The following MATR3 variants were observed in gnomAD, a reference collection of about 807,000 sequenced individuals.
The protein encoded by MATR3 is matrin 3.
Under a neutral mutation model 85.5 loss-of-function variants are expected in MATR3, and 4 were observed. The ratio of observed to expected loss-of-function variants is 0.05; its 90% CI spans 0.02 to 0.11. The LOEUF (loss-of-function observed/expected upper bound fraction) is 0.11. Among genes scored for constraint, MATR3 ranks in the 10% least tolerant of loss-of-function variants. MATR3 has a pLI of 1.00. For missense variants in MATR3, 685 were observed against 1,016.1 expected (o/e 0.67, Z 4.43); for synonymous variants, 336 against 343.1 (o/e 0.98, Z 0.23).
At chr5:139,328,781 C>A (rs1180953578) in intron 14 of MATR3, among the ~76,000 whole-genome samples, 1 of 152,124 alleles carries the variant, frequency 6.6e-6, no homozygotes, top group Non-Finnish European at 1.5e-5. Flanking sequence ...ACAGGCAGAT[C>A]ACCTGAGATC....
intron 2 of MATR3, chr5:139,313,875 A>G (rs1755117246): frequency 6.6e-6 from 1 of 152,238 alleles, no homozygotes; most frequent in Non-Finnish European, 1.5e-5. Context: ...GAACATCCTC[A>G]AAAGCTGGAT....
At chr5:139,282,953 C>G (rs1753583674) in intron 3 of MATR3, 1 of 152,424 alleles carries the variant, frequency 6.6e-6, no homozygotes, top group African/African-American at 2.4e-5. Context: ...GCCTCAGCCT[C>G]CCCAGTAGCT....
At chr5:139,297,993 C>G (rs1189562349) in intron 1 of MATR3, among the ~76,000 whole-genome samples, 1 of 152,026 alleles carries the variant, frequency 6.6e-6, no homozygotes, top group Non-Finnish European at 1.5e-5. Context: ...AGCAGAGTGC[C>G]TATGGTAAAT....
At chr5:139,279,795 C>T (rs1380706728) in intron 3 of MATR3, 1 of 152,318 alleles carries the variant, frequency 6.6e-6, no homozygotes. Context: ...AGCCACCGCG[C>T]CCAGCCAAGT....
At chr5:139,290,438 C>CTT (rs762364450), upstream of MATR3, among the ~76,000 whole-genome samples, 23,046 of 44,510 alleles carry the variant, frequency 0.52, 9,469 homozygotes, top group Non-Finnish European at 0.63. Context: ...CCTGGCCGCT[C>CTT]TTTTTTTTTT....
chr5:139,293,750 G>A lies in MATR3; in HGVS notation c.-233G>A. 2.6e-6 allele frequency: 1 copy of A among 377,608 alleles called. No homozygotes were observed. Among genetic ancestry groups the A allele is most frequent in the Non-Finnish European group, 4.7e-6 (1 of 213,056 alleles). 23.4% of individuals were successfully genotyped at this position (377,608 alleles called of 1,614,324 possible). A position where few individuals can be genotyped will look rare whatever the true frequency, so the allele number is the denominator to read the frequency against. The stretch of plus-strand genomic sequence containing the variant: ...GCTGCGGGGGATTGTGGGAGTCTCC[G>A]CGTCCCGCTCGCTGGGAGAGAGGTA... On this transcript the variant is annotated 5_prime_UTR_variant, in exon 1 of 15. Transcript: ENST00000394805.
chr5:139,312,203 C>A (rs1288933856), intron 2 of MATR3: 1 of 152,126 alleles, frequency 6.6e-6, no homozygotes, highest in African/African-American at 2.4e-5. Context: ...CTTAGGTGTT[C>A]GCAGCTCATT....
intron 3 of MATR3, among the ~76,000 whole-genome samples, chr5:139,285,582 A>G (rs143378682): frequency 1.5e-4 from 23 of 152,200 alleles, no homozygotes; most frequent in Non-Finnish European, 2.5e-4. Flanking sequence ...CTGAGGCAGG[A>G]GAATTATTTG....
chr5:139,311,502 T>C (rs1718347538), intron 2 of MATR3: 1 of 152,176 alleles, frequency 6.6e-6, no homozygotes, highest in South Asian at 2.1e-4. Flanking sequence ...TTTTTGATCT[T>C]GGCCTTCCTT....
At chr5:139,282,582 A>G (rs1416395562) in intron 3 of MATR3, among the ~76,000 whole-genome samples, 2 of 152,254 alleles carry the variant, frequency 1.3e-5, no homozygotes, top group African/African-American at 2.4e-5. Flanking sequence ...AAGAGTTCCC[A>G]TATATACCAT....
chr5:139,329,311 G>C, intron 14 of MATR3, 34 bp from the exon 15 acceptor site: 2 of 1,508,756 alleles, frequency 1.3e-6, no homozygotes, highest in Non-Finnish European at 9.2e-7. Flanking sequence ...TTTCTCTTAG[G>C]TGACTTAATG....
chr5:139,314,792 A>G lies in MATR3; in HGVS notation c.974+56A>G, dbSNP rs923166977. On this transcript the variant is annotated intron_variant, in intron 3 of 14. Transcript: ENST00000394805. The stretch of plus-strand genomic sequence containing the variant: ...TTATCGTGAATCAGAATCAGCCATT[A>G]TTGGTTTTTGGGAGTTCATCATTTA... 6.5e-6 allele frequency: 10 copies of G among 1,545,194 alleles called. No individual in the cohort carries two copies. The African/African-American group carries it at 9.5e-5, about 15-fold the overall frequency.
At chr5:139,298,612 G>A (rs981322220) in intron 1 of MATR3, among the ~76,000 whole-genome samples, 2 of 152,164 alleles carry the variant, frequency 1.3e-5, no homozygotes, top group African/African-American at 4.8e-5. Flanking sequence ...TATTCTTTGT[G>A]TGTAGAAAAA....
intron 9 of MATR3, among the ~76,000 whole-genome samples, chr5:139,320,730 C>T (rs1346861370): frequency 2.1e-5 from 3 of 145,710 alleles, no homozygotes; most frequent in Non-Finnish European, 3.0e-5. Flanking sequence ...ATTTTAATAT[C>T]TTAAGCTTAT....
intron 3 of MATR3, among the ~76,000 whole-genome samples, chr5:139,286,845 A>G (rs78238903): frequency 1.6e-4 from 6 of 37,392 alleles, no homozygotes; most frequent in Non-Finnish European, 6.0e-4. Flanking sequence ...CTCCGTCTCA[A>G]AAAAAAAAAA....
chr5:139,331,195 T>C lies in MATR3; in HGVS notation c.*1800T>C, dbSNP rs1311163756. 1 of 454,140 alleles carries C rather than the reference T, an allele frequency of 2.2e-6. No individual in the cohort carries two copies. Among genetic ancestry groups the C allele is most frequent in the Admixed American group, 2.3e-5 (1 of 42,584 alleles). 28.1% of individuals were successfully genotyped at this position (454,140 alleles called of 1,614,324 possible). On this transcript the variant is annotated 3_prime_UTR_variant, in exon 15 of 15. Coordinates refer to ENST00000394805, the MANE Select transcript of MATR3 (RefSeq NM_018834.6). ...TTAAAGGATACTTCAAATAGTTGGC[T>C]AAATTTTATGATCTCTCCCGTTGAA...
chr5:139,326,422 C>CTTTTT, intron 14 of MATR3, 138 bp downstream of exon 14: 3 of 537,470 alleles, frequency 5.6e-6, no homozygotes, highest in South Asian at 2.5e-5. Flanking sequence ...TTTTTATTTA[C>CTTTTT]TTTTTTTTTT....
At chr5:139,314,346 A>G (rs935710182) in intron 2 of MATR3, 4 of 332,134 alleles carry the variant, frequency 1.2e-5, no homozygotes, top group African/African-American at 8.5e-5. Flanking sequence ...TTTGGTCCAC[A>G]GTAAAAATTA....
intron 3 of MATR3, among the ~76,000 whole-genome samples, chr5:139,287,544 G>C (rs1162269796): frequency 6.6e-6 from 1 of 152,072 alleles, no homozygotes; most frequent in African/African-American, 2.4e-5. Flanking sequence ...GCCTGAACCC[G>C]GTGGGCGGAG....
Sources: allele counts gnomAD v4.1 joint callset (sites outside exome capture counted in the v4.1 genomes callset), GRCh38; gene constraint gnomAD v4.1.1; transcripts MANE v1.5; gene names NCBI Gene and HGNC (gene_info 2026-07-23, HGNC 2026-07-21).